TFPI: variants seen among roughly 807,000 people sequenced by gnomAD.
The protein encoded by TFPI is tissue factor pathway inhibitor, also known as anti-convertin.
Under a neutral mutation model 34.6 loss-of-function variants are expected in TFPI, and 15 were observed. The ratio of observed to expected loss-of-function variants is 0.43; its 90% CI spans 0.29 to 0.67. The LOEUF (loss-of-function observed/expected upper bound fraction) is 0.67, where lower values mean the gene tolerates loss of function less well. Among genes scored for constraint, TFPI ranks in the 30% least tolerant of loss-of-function variants. The pLI, the probability that TFPI is intolerant of heterozygous loss-of-function variation, is 0.15. For missense variants in TFPI, 301 were observed against 364.0 expected (o/e 0.83, Z 1.41); for synonymous variants, 105 against 120.1 (o/e 0.87, Z 0.82).
Position 187,464,256 on chromosome 2 carries a change from A to G in TFPI, c.*2680T>C, listed in dbSNP as rs1028693273. 3.3e-5 allele frequency: 5 copies of G among 152,134 alleles called. No individual in the cohort carries two copies. Among genetic ancestry groups the G allele is most frequent in the Non-Finnish European group, 7.4e-5 (5 of 68,000 alleles). 9.4% of individuals were successfully genotyped at this position (152,134 alleles called of 1,614,324 possible). ...TTCATTATTCAGAATAATATATTTTACTTCTTATAATGTAAAAAATATAAT... is the reference window on the plus strand; with the variant it reads ...TTCATTATTCAGAATAATATATTTTGCTTCTTATAATGTAAAAAATATAAT... On this transcript the variant is annotated 3_prime_UTR_variant, in exon 8 of 8. Transcript: ENST00000233156.
intron 1 of TFPI, among the ~76,000 whole-genome samples, chr2:187,509,291 A>G (rs969246881): frequency 3.3e-5 from 5 of 152,150 alleles, no homozygotes; most frequent in Admixed American, 3.3e-4. Context: ...AGGTTTTGGT[A>G]TCAGGATGAT....
At chr2:187,495,595 A>G (rs933272622) in intron 3 of TFPI, among the ~76,000 whole-genome samples, 1 of 152,198 alleles carries the variant, frequency 6.6e-6, no homozygotes, top group African/African-American at 2.4e-5. Flanking sequence ...GCTTGGGAGC[A>G]TACAACTAAA....
intron 1 of TFPI, among the ~76,000 whole-genome samples, chr2:187,530,861 G>T (rs1687924355): frequency 6.6e-6 from 1 of 151,786 alleles, no homozygotes; most frequent in Admixed American, 6.6e-5. Context: ...GAAAGTAAAA[G>T]GTCACTGGAG....
At chr2:187,490,978 G>A (rs1022358493) in intron 3 of TFPI, among the ~76,000 whole-genome samples, 2 of 151,622 alleles carry the variant, frequency 1.3e-5, no homozygotes, top group Non-Finnish European at 3.0e-5. Context: ...ATTGTCACCT[G>A]TAGAAACCTC....
At chr2:187,469,543 A>C (rs1425579820) in intron 6 of TFPI, among the ~76,000 whole-genome samples, 2 of 152,130 alleles carry the variant, frequency 1.3e-5, no homozygotes, top group East Asian at 3.8e-4. Flanking sequence ...ATAGTAAAAT[A>C]GTTGCTGTAG....
chr2:187,514,257 A>G (rs1686842792), intron 1 of TFPI: 1 of 152,246 alleles, frequency 6.6e-6, no homozygotes, highest in African/African-American at 2.4e-5. Flanking sequence ...TTCCCTCCAC[A>G]TGTTAAACAA....
intron 1 of TFPI, among the ~76,000 whole-genome samples, chr2:187,537,155 A>G (rs890998418): frequency 2.0e-5 from 3 of 152,236 alleles, no homozygotes; most frequent in African/African-American, 7.2e-5. Context: ...AAATAGCCAT[A>G]CTGTCCTAAG....
At chr2:187,486,984 A>T (rs1446984358) in intron 4 of TFPI, among the ~76,000 whole-genome samples, 1 of 151,668 alleles carries the variant, frequency 6.6e-6, no homozygotes, top group Non-Finnish European at 1.5e-5. Context: ...ACATGTAAGC[A>T]TTTTTAACAT....
intron 1 of TFPI, among the ~76,000 whole-genome samples, chr2:187,540,035 C>T (rs766625217): frequency 8.6e-5 from 13 of 151,732 alleles, no homozygotes; most frequent in Non-Finnish European, 1.6e-4. Context: ...GCTGGGACTA[C>T]AGGCGCCCAC....
At chr2:187,533,277 C>T (rs1257305492) in intron 1 of TFPI, among the ~76,000 whole-genome samples, 4 of 152,136 alleles carry the variant, frequency 2.6e-5, no homozygotes, top group Non-Finnish European at 4.4e-5. Flanking sequence ...TGGGAGACAC[C>T]TCCCAGCAAA....
At chr2:187,479,569 A>G (rs951756301) in intron 6 of TFPI, among the ~76,000 whole-genome samples, 3 of 140,996 alleles carry the variant, frequency 2.1e-5, no homozygotes, top group Non-Finnish European at 4.7e-5. Context: ...ATATATATAT[A>G]TATATATATA....
intron 3 of TFPI, among the ~76,000 whole-genome samples, chr2:187,496,420 A>T (rs570347100): frequency 4.8e-4 from 73 of 152,230 alleles, no homozygotes; most frequent in South Asian, 2.9e-3. Context: ...TGAGATTACA[A>T]GTCTGGGAGG....
chr2:187,474,537 T>C (rs746281002), intron 6 of TFPI, among the ~76,000 whole-genome samples: 6 of 152,294 alleles, frequency 3.9e-5, no homozygotes, highest in South Asian at 2.1e-4. Context: ...ATACAAGTTC[T>C]GATCTTGTTG....
chr2:187,487,256 C>G (rs1415162806), intron 4 of TFPI, among the ~76,000 whole-genome samples: 1 of 151,068 alleles, frequency 6.6e-6, no homozygotes, highest in Non-Finnish European at 1.5e-5. Flanking sequence ...ACAGATAAGG[C>G]CTTCATTTAA....
chr2:187,470,084 G>A (rs113785616), intron 6 of TFPI, among the ~76,000 whole-genome samples: 41 of 152,156 alleles, frequency 2.7e-4, no homozygotes, highest in African/African-American at 9.1e-4. Flanking sequence ...AATTACTATC[G>A]CTTTTTTTCC....
At chr2:187,500,941 T>G (rs1398602368) in intron 2 of TFPI, among the ~76,000 whole-genome samples, 1 of 152,178 alleles carries the variant, frequency 6.6e-6, no homozygotes, top group East Asian at 1.9e-4. Flanking sequence ...GATATGACAG[T>G]AAATTAGATG....
At chr2:187,516,177 C>A (rs1004675088) in intron 1 of TFPI, 2 of 152,166 alleles carry the variant, frequency 1.3e-5, no homozygotes, top group African/African-American at 2.4e-5. Context: ...AATAGACTAG[C>A]CCTAGACTAC....
At chr2:187,535,645 G>T (rs920358624) in intron 1 of TFPI, among the ~76,000 whole-genome samples, 7 of 152,040 alleles carry the variant, frequency 4.6e-5, no homozygotes, top group African/African-American at 1.7e-4. Context: ...AAGATCTAAA[G>T]TTGACAACCA....
intron 3 of TFPI, among the ~76,000 whole-genome samples, chr2:187,495,112 G>A (rs1685386503): frequency 6.6e-6 from 1 of 152,122 alleles, no homozygotes; most frequent in South Asian, 2.1e-4. Flanking sequence ...ATGATGATAA[G>A]CAAGGCTATC....
Sources: allele counts gnomAD v4.1 joint callset (sites outside exome capture counted in the v4.1 genomes callset), GRCh38; gene constraint gnomAD v4.1.1; transcripts MANE v1.5; gene names NCBI Gene and HGNC (gene_info 2026-07-23, HGNC 2026-07-21).